The following EIF4G3 variants were observed in gnomAD, a reference collection of about 807,000 sequenced individuals.
EIF4G3 encodes the protein eIF-4-gamma 3.
EIF4G3 carries 34 observed loss-of-function variants against 186.4 expected under a neutral mutation model. That is an observed-to-expected ratio of 0.18 (90% CI 0.14 to 0.24). The LOEUF is 0.24. EIF4G3 is among the 10% of genes least tolerant of loss of function. The pLI is 1.00. For synonymous variants in EIF4G3, 673 were observed against 679.5 expected, an observed-to-expected ratio of 0.99 and a Z score of 0.15; for missense variants, 1,536 against 1,948.5, an observed-to-expected ratio of 0.79 and a Z score of 3.99.
At chr1:21,128,161 C>T (rs536162107) in intron 2 of EIF4G3, among the ~76,000 whole-genome samples, 36 of 149,448 alleles carry the variant, frequency 2.4e-4, no homozygotes, top group African/African-American at 8.4e-4. Flanking sequence ...GAGCCAAGAT[C>T]GAGCCACTGC....
At chr1:20,889,141 A>G (rs916671773) in intron 18 of EIF4G3, among the ~76,000 whole-genome samples, 1 of 152,218 alleles carries the variant, frequency 6.6e-6, no homozygotes, top group Non-Finnish European at 1.5e-5. Flanking sequence ...GTATTATGAA[A>G]TTATACCCAT....
chr1:20,942,377 C>T (rs756587119), intron 13 of EIF4G3, 47 bp from the exon 14 acceptor site: 2 of 1,517,928 alleles, frequency 1.3e-6, no homozygotes, highest in Admixed American at 2.3e-5. Flanking sequence ...GGATCAGAGA[C>T]TACATATTGC....
chr1:20,844,274 A>T (rs1230989268), intron 29 of EIF4G3, among the ~76,000 whole-genome samples: 1 of 152,190 alleles, frequency 6.6e-6, no homozygotes, highest in Non-Finnish European at 1.5e-5. Context: ...AACAGTGTAA[A>T]AGTGTTCCTT....
At chr1:21,123,777 A>G (rs747735469) in intron 2 of EIF4G3, among the ~76,000 whole-genome samples, 12 of 152,144 alleles carry the variant, frequency 7.9e-5, no homozygotes, top group Non-Finnish European at 1.6e-4. Context: ...ATTCTGCCAC[A>G]TAGGTCCTAT....
chr1:21,171,988 A>G (rs2097985253), intron 2 of EIF4G3, among the ~76,000 whole-genome samples: 1 of 152,136 alleles, frequency 6.6e-6, no homozygotes, highest in Admixed American at 6.6e-5. Context: ...GAGACCAGGA[A>G]AAGACCCACC....
intron 2 of EIF4G3, among the ~76,000 whole-genome samples, chr1:21,106,860 A>G (rs2096627479): frequency 6.6e-6 from 1 of 152,220 alleles, no homozygotes; most frequent in Admixed American, 6.5e-5. Context: ...GTAGCCATTC[A>G]CAGAAATGAC....
At position 20,864,406 on chromosome 1, in the gene EIF4G3, T is replaced by C. The variant is rs183713777; in HGVS notation, c.3006+70A>G. The C allele has an allele frequency of 3.1e-3, 3,409 of 1,096,216 alleles. 11 individuals carry two copies. Among genetic ancestry groups the C allele is most frequent in the Admixed American group, 4.4e-3 (232 of 52,820 alleles). 67.9% of individuals were successfully genotyped at this position (1,096,216 alleles called of 1,614,324 possible). A position where few individuals can be genotyped will look rare whatever the true frequency, so the allele number is the denominator to read the frequency against. On this transcript the variant is annotated intron_variant, in intron 22 of 36. Coordinates refer to ENST00000602326, the MANE Select transcript of EIF4G3 (RefSeq NM_001391906.1). ...TTTGGGAAAAGATAGAACTATTCTGTTGACAGTCTAAGTTCTTTTGCAACT... is the reference window on the plus strand; with the variant it reads ...TTTGGGAAAAGATAGAACTATTCTGCTGACAGTCTAAGTTCTTTTGCAACT...
At chr1:20,966,154 G>A (rs550244816) in intron 12 of EIF4G3, among the ~76,000 whole-genome samples, 1 of 152,280 alleles carries the variant, frequency 6.6e-6, no homozygotes, top group Admixed American at 6.5e-5. Context: ...GATAGGGAAA[G>A]GCTTGGTTAT....
intron 6 of EIF4G3, among the ~76,000 whole-genome samples, chr1:21,000,518 G>C (rs1419266541): frequency 6.6e-6 from 1 of 151,326 alleles, no homozygotes; most frequent in Non-Finnish European, 1.5e-5. Context: ...GATGAGACTA[G>C]ACTATGACAA....
intron 3 of EIF4G3, 67 bp downstream of exon 3, chr1:21,089,071 C>G: frequency 1.5e-6 from 1 of 689,112 alleles, no homozygotes; most frequent in South Asian, 1.6e-5. Context: ...CAAACACTGC[C>G]TATAATTAAT....
At chr1:20,855,390 C>G (rs185949596) in intron 25 of EIF4G3, among the ~76,000 whole-genome samples, 125 of 152,108 alleles carry the variant, frequency 8.2e-4, no homozygotes, top group Admixed American at 2.7e-3. Flanking sequence ...TGTACAATAC[C>G]CATTAATTTT....
intron 2 of EIF4G3, among the ~76,000 whole-genome samples, chr1:21,124,575 A>G (rs1024079113): frequency 2.0e-5 from 3 of 152,240 alleles, no homozygotes; most frequent in South Asian, 2.1e-4. Flanking sequence ...TCATGGGACT[A>G]TAAGGTAGAG....
intron 34 of EIF4G3, among the ~76,000 whole-genome samples, chr1:20,814,782 C>CCCCTCT (rs1557738784): frequency 0.012 from 818 of 66,280 alleles, 25 homozygotes; most frequent in East Asian, 0.035. Context: ...CCTCCCCCTC[C>CCCCTCT]CCCTCTCCCT....
chr1:21,125,588 G>A (rs571398997), intron 2 of EIF4G3, among the ~76,000 whole-genome samples: 38 of 151,974 alleles, frequency 2.5e-4, no homozygotes, highest in Middle Eastern at 3.4e-3. Flanking sequence ...GCATGGTGGC[G>A]GGTGCCTGTA....
Position 20,810,890 on chromosome 1 carries a change from G to C in EIF4G3, c.4598-6C>G. 2 of 1,607,272 alleles carry C rather than the reference G, an allele frequency of 1.2e-6. No homozygotes were observed. Among genetic ancestry groups the C allele is most frequent in the Non-Finnish European group, 1.7e-6 (2 of 1,174,994 alleles). ...TCTGAAGGTAGAAGAGTCGGCTAAA[G>C]GTGATAGAAGAACTAGGAATTACAT... On this transcript the variant is annotated splice_region_variant and splice_polypyrimidine_tract_variant and intron_variant, in intron 35 of 36. Transcript: ENST00000602326. This position sits in a 1 kb window ranked among gnomAD's most constrained non-coding sequence, Gnocchi z 4.1.
At chr1:20,997,239 C>A (rs550320820) in intron 7 of EIF4G3, among the ~76,000 whole-genome samples, 2 of 151,914 alleles carry the variant, frequency 1.3e-5, no homozygotes, top group African/African-American at 4.8e-5. Context: ...TAACAGAAAA[C>A]CCATAGAATG....
intron 33 of EIF4G3, among the ~76,000 whole-genome samples, chr1:20,822,618 T>C (rs2062703612): frequency 6.6e-6 from 1 of 150,914 alleles, no homozygotes; most frequent in African/African-American, 2.4e-5. Flanking sequence ...GATAGGGTCT[T>C]GCTCTGTTGC....
At chr1:20,989,938 A>G (rs1244160591) in intron 7 of EIF4G3, among the ~76,000 whole-genome samples, 30 of 152,304 alleles carry the variant, frequency 2.0e-4, no homozygotes, top group South Asian at 4.1e-4. Flanking sequence ...GCACTTTGGG[A>G]GGCCGAAACG....
intron 10 of EIF4G3, among the ~76,000 whole-genome samples, chr1:20,978,193 T>C (rs2077230255): frequency 6.6e-6 from 1 of 152,112 alleles, no homozygotes; most frequent in South Asian, 2.1e-4. Flanking sequence ...ATAAAGGCAC[T>C]AGAATTACAT....
Sources: allele counts gnomAD v4.1 joint callset (sites outside exome capture counted in the v4.1 genomes callset), GRCh38; gene constraint gnomAD v4.1.1; non-coding constraint Gnocchi (gnomAD v3.1); transcripts MANE v1.5; gene names NCBI Gene and HGNC (gene_info 2026-07-23, HGNC 2026-07-21).